TMEM135: variants seen among roughly 807,000 people sequenced by gnomAD.
TMEM135 encodes transmembrane protein 135, also known as peroxisomal membrane protein 52.
A neutral mutation model predicts 60.3 loss-of-function variants in TMEM135; 30 were observed. That is an observed-to-expected ratio of 0.50 (90% confidence interval 0.37 to 0.68). The LOEUF (loss-of-function observed/expected upper bound fraction) is 0.68, where lower values mean the gene tolerates loss of function less well. Ranked by LOEUF, TMEM135 falls within the 30% of genes least tolerant of loss-of-function variation. TMEM135 has a pLI of 0.00. For synonymous variants in TMEM135, 190 were observed against 186.7 expected, an observed-to-expected ratio of 1.02 and a Z score of -0.14; for missense variants, 468 against 548.8, an observed-to-expected ratio of 0.85 and a Z score of 1.47.
At chr11:87,267,152 T>C (rs1277245615) in intron 6 of TMEM135, among the ~76,000 whole-genome samples, 1 of 152,066 alleles carries the variant, frequency 6.6e-6, no homozygotes, top group African/African-American at 2.4e-5. Context: ...CTGCCATGAG[T>C]GGTAAGTGAG....
chr11:87,062,989 A>G (rs1949964938), intron 1 of TMEM135, among the ~76,000 whole-genome samples: 2 of 152,204 alleles, frequency 1.3e-5, no homozygotes, highest in South Asian at 2.1e-4. Flanking sequence ...ATTTGTTTCT[A>G]TGATAATTAA....
intron 5 of TMEM135, among the ~76,000 whole-genome samples, chr11:87,189,088 C>CTTTTCCCTT: frequency 6.7e-6 from 1 of 149,350 alleles, no homozygotes; most frequent in Non-Finnish European, 1.5e-5. Context: ...CCTTTCTTTC[C>CTTTTCCCTT]TTCCTTTTCC....
chr11:87,115,913 A>G (rs980950522), intron 4 of TMEM135, among the ~76,000 whole-genome samples: 1 of 152,062 alleles, frequency 6.6e-6, no homozygotes, highest in African/African-American at 2.4e-5. Context: ...CATTAAATTG[A>G]TTTATATGCT....
chr11:87,253,695 A>C (rs1170575323), intron 6 of TMEM135, among the ~76,000 whole-genome samples: 25 of 24,928 alleles, frequency 1.0e-3, no homozygotes, highest in Non-Finnish European at 1.5e-3. Context: ...ATATATATAT[A>C]TATCCTGGTG....
At chr11:87,154,111 A>G (rs761042777) in intron 4 of TMEM135, among the ~76,000 whole-genome samples, 1 of 152,134 alleles carries the variant, frequency 6.6e-6, no homozygotes, top group Non-Finnish European at 1.5e-5. Context: ...CTGAAACTCT[A>G]TGTCCATCAT....
At chr11:87,119,304 G>A (rs753186644) in intron 4 of TMEM135, among the ~76,000 whole-genome samples, 12 of 152,204 alleles carry the variant, frequency 7.9e-5, no homozygotes, top group Non-Finnish European at 1.6e-4. Context: ...TGGGGGAACA[G>A]TCAGTTGGTG....
chr11:87,304,476 T>G (rs1310982117), intron 8 of TMEM135, among the ~76,000 whole-genome samples: 1 of 152,008 alleles, frequency 6.6e-6, no homozygotes, highest in East Asian at 1.9e-4. Flanking sequence ...GTGTGAAGAG[T>G]GATGGCTTGC....
intron 7 of TMEM135, among the ~76,000 whole-genome samples, chr11:87,297,965 C>T (rs1347263414): frequency 6.6e-6 from 1 of 152,148 alleles, no homozygotes; most frequent in East Asian, 1.9e-4. Context: ...AGTTGATTCT[C>T]AGAAGAATGT....
chr11:87,259,098 C>T (rs577043884), intron 6 of TMEM135: 45 of 987,246 alleles, frequency 4.6e-5, no homozygotes, highest in East Asian at 4.1e-4. Flanking sequence ...GGCCGCAGAC[C>T]GGACCCTCTT....
At chr11:87,089,161 A>G (rs950315531) in intron 3 of TMEM135, among the ~76,000 whole-genome samples, 11 of 152,206 alleles carry the variant, frequency 7.2e-5, no homozygotes, top group Admixed American at 3.9e-4. Flanking sequence ...ACAAAATACA[A>G]AAAAATCAAA....
At chr11:87,193,197 G>C (rs1939857642) in intron 5 of TMEM135, among the ~76,000 whole-genome samples, 1 of 152,146 alleles carries the variant, frequency 6.6e-6, no homozygotes. Flanking sequence ...ATACACAGCA[G>C]TGGAGTGGAG....
intron 5 of TMEM135, among the ~76,000 whole-genome samples, chr11:87,234,782 A>C (rs1377136954): frequency 6.6e-6 from 1 of 152,052 alleles, no homozygotes; most frequent in Non-Finnish European, 1.5e-5. Flanking sequence ...GTTCTTAAAC[A>C]TTGTACTTTT....
intron 14 of TMEM135, among the ~76,000 whole-genome samples, chr11:87,320,229 G>T: frequency 6.6e-6 from 1 of 152,022 alleles, no homozygotes; most frequent in African/African-American, 2.4e-5. Context: ...TTACATATGA[G>T]GAAACTAAAA....
chr11:87,282,811 T>C (rs1156426594), intron 6 of TMEM135, among the ~76,000 whole-genome samples: 3 of 152,234 alleles, frequency 2.0e-5, no homozygotes, highest in African/African-American at 4.8e-5. Context: ...CCTTGGTTTC[T>C]TAATCTATAT....
At chr11:87,140,418 A>G (rs1479985343) in intron 4 of TMEM135, among the ~76,000 whole-genome samples, 1 of 152,192 alleles carries the variant, frequency 6.6e-6, no homozygotes, top group African/African-American at 2.4e-5. Context: ...AAACAATTTG[A>G]CTGCAAAGAG....
chr11:87,073,307 A>G (rs1856806389), intron 3 of TMEM135, among the ~76,000 whole-genome samples: 1 of 152,208 alleles, frequency 6.6e-6, no homozygotes, highest in African/African-American at 2.4e-5. Flanking sequence ...TGCTGGGATT[A>G]GAGGTGTGAG....
At chr11:87,247,290 T>C (rs1182849871) in intron 6 of TMEM135, among the ~76,000 whole-genome samples, 1 of 152,186 alleles carries the variant, frequency 6.6e-6, no homozygotes, top group Admixed American at 6.5e-5. Flanking sequence ...GTTAGGCTGC[T>C]CGGGGGTCAG....
Position 87,319,018 on chromosome 11 carries a change from A to C in TMEM135, c.1177-292A>C, listed in dbSNP as rs1395245846. On this transcript the variant is annotated intron_variant, in intron 13 of 14. Transcript: ENST00000305494. ...CAAGTAGCTGGGATTACAGGCATGC[A>C]CCACCACGCCTGGCTAATTTTTGTA... is the stretch of plus-strand genomic sequence containing the variant. The C allele has an allele frequency of 9.9e-6, 3 of 302,782 alleles. No individual in the cohort carries two copies. In the Admixed American group the frequency reaches 1.4e-4, roughly 14 times the overall value. 18.8% of individuals were successfully genotyped at this position (302,782 alleles called of 1,614,324 possible).
intron 5 of TMEM135, among the ~76,000 whole-genome samples, chr11:87,215,667 A>G (rs1267245339): frequency 2.0e-5 from 3 of 152,186 alleles, no homozygotes; most frequent in Admixed American, 6.5e-5. Flanking sequence ...CCCAGGAAGG[A>G]TGGGGAACTT....
Sources: gnomAD v4.1 joint callset for allele counts (sites outside exome capture counted in the v4.1 genomes callset) on GRCh38, gnomAD v4.1.1 for gene constraint, MANE v1.5 for transcripts, NCBI Gene and HGNC (gene_info 2026-07-23, HGNC 2026-07-21) for gene names.